SYNPR: variants seen among roughly 807,000 people sequenced by gnomAD.
SYNPR encodes synaptoporin.
A neutral mutation model predicts 32.9 loss-of-function variants in SYNPR; 23 were observed. That is an observed-to-expected ratio of 0.70 (90% CI 0.50 to 0.99). The LOEUF is 0.99. SYNPR is among the 50% of genes least tolerant of loss of function. The probability of loss-of-function intolerance (pLI) is 0.00; values close to 1 mark genes in which losing one functional copy is unlikely to be tolerated. For missense variants in SYNPR, 318 were observed against 349.3 expected (o/e 0.91, Z 0.71); for synonymous variants, 146 against 135.9 (o/e 1.07, Z -0.52).
At chr3:63,485,521 T>C (rs1701130868) in intron 3 of SYNPR, among the ~76,000 whole-genome samples, 1 of 152,096 alleles carries the variant, frequency 6.6e-6, no homozygotes, top group Non-Finnish European at 1.5e-5. Flanking sequence ...ACATTTCAGT[T>C]GGAGAGAAAG....
At chr3:63,474,472 T>C (rs1374768587) in intron 2 of SYNPR, among the ~76,000 whole-genome samples, 1 of 152,136 alleles carries the variant, frequency 6.6e-6, no homozygotes, top group African/African-American at 2.4e-5. Context: ...TGATTATACC[T>C]AATGGAAAAG....
intron 2 of SYNPR, among the ~76,000 whole-genome samples, chr3:63,447,977 T>C (rs529395528): frequency 6.8e-6 from 1 of 147,010 alleles, no homozygotes; most frequent in African/African-American, 2.5e-5. Flanking sequence ...CCCAGGGGAC[T>C]TATTTAGCCT....
intron 4 of SYNPR, among the ~76,000 whole-genome samples, chr3:63,603,915 T>C (rs985892009): frequency 6.6e-6 from 1 of 152,158 alleles, no homozygotes; most frequent in African/African-American, 2.4e-5. Context: ...GAAATAGTTT[T>C]GGTAGGAATG....
intron 2 of SYNPR, among the ~76,000 whole-genome samples, chr3:63,413,121 CA>C (rs1231344009): frequency 6.6e-6 from 1 of 152,132 alleles, no homozygotes; most frequent in Non-Finnish European, 1.5e-5. Flanking sequence ...AGATAACGAT[CA>C]AAAAATGACA....
intron 2 of SYNPR, among the ~76,000 whole-genome samples, chr3:63,431,031 G>T (rs777134117): frequency 2.6e-5 from 4 of 152,306 alleles, no homozygotes; most frequent in Middle Eastern, 3.4e-3. Context: ...ATGGGCATTT[G>T]CTTCTAAAAC....
intron 2 of SYNPR, among the ~76,000 whole-genome samples, chr3:63,411,221 G>A (rs770529202): frequency 2.0e-5 from 3 of 152,198 alleles, no homozygotes; most frequent in East Asian, 1.9e-4. Context: ...AAAGTCTGAG[G>A]AGTCTGAGGT....
intron 2 of SYNPR, among the ~76,000 whole-genome samples, chr3:63,306,561 G>A (rs1312064220): frequency 2.6e-5 from 4 of 151,516 alleles, no homozygotes; most frequent in Non-Finnish European, 5.9e-5. Flanking sequence ...TATAAAATTA[G>A]TTTGTAGATG....
chr3:63,565,249 C>T (rs973041200), intron 4 of SYNPR, among the ~76,000 whole-genome samples: 2 of 152,124 alleles, frequency 1.3e-5, no homozygotes, highest in Non-Finnish European at 2.9e-5. Context: ...CCTGACTCAA[C>T]CCCCTGCCGC....
upstream of SYNPR, among the ~76,000 whole-genome samples, chr3:63,227,704 T>C (rs1408398125): frequency 6.6e-6 from 1 of 152,024 alleles, no homozygotes; most frequent in African/African-American, 2.4e-5. Flanking sequence ...AGAGGAAAGG[T>C]GAAGGGTAAA....
intron 3 of SYNPR, among the ~76,000 whole-genome samples, chr3:63,481,999 T>C (rs981752754): frequency 4.7e-5 from 7 of 150,238 alleles, no homozygotes; most frequent in African/African-American, 9.7e-5. Flanking sequence ...AGTCAGCAAG[T>C]CTCTAAACAT....
chr3:63,470,403 A>G (rs76128441), intron 2 of SYNPR, among the ~76,000 whole-genome samples: 1,947 of 152,194 alleles, frequency 0.013, 39 homozygotes, highest in African/African-American at 0.044. Flanking sequence ...CATTTCTGCC[A>G]TGTGTTGTTT....
chr3:63,250,172 GAAGA>G (rs924137705), intron 1 of SYNPR, among the ~76,000 whole-genome samples: 1 of 152,076 alleles, frequency 6.6e-6, no homozygotes, highest in Non-Finnish European at 1.5e-5. Context: ...AAAAAAGCTG[GAAGA>G]AAGAATTATG....
intron 3 of SYNPR, among the ~76,000 whole-genome samples, chr3:63,508,048 G>A (rs1053451447): frequency 3.2e-4 from 48 of 152,134 alleles, no homozygotes; most frequent in East Asian, 1.4e-3. Context: ...TAATGATATC[G>A]TCAACATTCT....
chr3:63,546,904 G>A (rs1019334996), intron 3 of SYNPR, among the ~76,000 whole-genome samples: 2 of 152,080 alleles, frequency 1.3e-5, no homozygotes, highest in East Asian at 3.9e-4. Context: ...AGATGAAACT[G>A]TTTTTGATTC....
intron 2 of SYNPR, among the ~76,000 whole-genome samples, chr3:63,284,884 T>A (rs970765647): frequency 1.3e-5 from 2 of 152,214 alleles, no homozygotes; most frequent in Non-Finnish European, 2.9e-5. Flanking sequence ...TCTTACATCA[T>A]TGTGTTGAAT....
intron 2 of SYNPR, among the ~76,000 whole-genome samples, chr3:63,424,980 C>T (rs2107136443): frequency 6.6e-6 from 1 of 152,322 alleles, no homozygotes; most frequent in East Asian, 1.9e-4. Context: ...TTCTTCCTAG[C>T]ATATGTGCCC....
chr3:63,221,517 T>C, the SYNPR span, among the ~76,000 whole-genome samples: 1 of 151,966 alleles, frequency 6.6e-6, no homozygotes, highest in African/African-American at 2.4e-5. Flanking sequence ...GGAGTTGGAG[T>C]AGAACTCCCA....
At chr3:63,200,860 G>A in the SYNPR span, among the ~76,000 whole-genome samples, 1 of 152,138 alleles carries the variant, frequency 6.6e-6, no homozygotes, top group South Asian at 2.1e-4. Flanking sequence ...GAGAATACTG[G>A]GAGCTGGATG....
intron 1 of SYNPR, among the ~76,000 whole-genome samples, chr3:63,237,065 T>C (rs1575572273): frequency 6.6e-6 from 1 of 152,156 alleles, no homozygotes; most frequent in Non-Finnish European, 1.5e-5. Flanking sequence ...TTATTATAAA[T>C]GGGTTAGGTT....
Sources: gnomAD v4.1 joint callset for allele counts (sites outside exome capture counted in the v4.1 genomes callset) on GRCh38, gnomAD v4.1.1 for gene constraint, MANE v1.5 for transcripts, NCBI Gene and HGNC (gene_info 2026-07-23, HGNC 2026-07-21) for gene names.